DPP10: variants seen among roughly 807,000 people sequenced by gnomAD.
The protein encoded by DPP10 is inactive dipeptidyl peptidase 10.
Under a neutral mutation model 120.9 loss-of-function variants are expected in DPP10, and 33 were observed. That is an observed-to-expected ratio of 0.27 (90% CI 0.21 to 0.37). The LOEUF (loss-of-function observed/expected upper bound fraction) is 0.37, where lower values mean the gene tolerates loss of function less well. DPP10 is among the 10% of genes least tolerant of loss of function. The pLI, the probability that DPP10 is intolerant of heterozygous loss-of-function variation, is 1.00. For synonymous variants in DPP10, 337 were observed against 326.1 expected, an observed-to-expected ratio of 1.03 and a Z score of -0.36; for missense variants, 816 against 942.8, an observed-to-expected ratio of 0.87 and a Z score of 1.76.
chr2:114,670,605 C>A (rs62165212), intron 1 of DPP10, among the ~76,000 whole-genome samples: 27,128 of 151,986 alleles, frequency 0.18, 3,191 homozygotes, highest in Non-Finnish European at 0.26. Context: ...GGGTGCAGCA[C>A]ACCAGCATGA....
chr2:115,644,144 T>C (rs2087019153), intron 5 of DPP10, among the ~76,000 whole-genome samples: 1 of 151,842 alleles, frequency 6.6e-6, no homozygotes, highest in African/African-American at 2.4e-5. Context: ...AGGAAAATAA[T>C]AGTTTCTTTT....
At chr2:115,313,720 A>G (rs571845588) in intron 2 of DPP10, among the ~76,000 whole-genome samples, 1 of 152,220 alleles carries the variant, frequency 6.6e-6, no homozygotes, top group Non-Finnish European at 1.5e-5. Context: ...TTAATTTCTA[A>G]AATTATCAGA....
At chr2:114,778,530 G>A (rs191541243) in intron 1 of DPP10, among the ~76,000 whole-genome samples, 1 of 151,938 alleles carries the variant, frequency 6.6e-6, no homozygotes, top group Non-Finnish European at 1.5e-5. Flanking sequence ...TCTTTTTCAC[G>A]CAATTATTTA....
chr2:114,851,531 T>G (rs962865964), intron 1 of DPP10, among the ~76,000 whole-genome samples: 1 of 152,192 alleles, frequency 6.6e-6, no homozygotes, highest in African/African-American at 2.4e-5. Context: ...GGCACTGTGC[T>G]AGACTTTAGA....
At chr2:114,860,613 A>AAAT (rs1470853756) in intron 1 of DPP10, among the ~76,000 whole-genome samples, 3 of 152,188 alleles carry the variant, frequency 2.0e-5, no homozygotes, top group African/African-American at 7.2e-5. Context: ...TTTTCACTTA[A>AAAT]AAAAGCTGAA....
chr2:114,663,718 C>G (rs1280218963), intron 1 of DPP10, among the ~76,000 whole-genome samples: 2 of 141,328 alleles, frequency 1.4e-5, no homozygotes, highest in African/African-American at 5.9e-5. Flanking sequence ...CTTGGGCTCT[C>G]TAGAGCCACC....
intron 1 of DPP10, among the ~76,000 whole-genome samples, chr2:114,752,754 C>A (rs1489175255): frequency 6.6e-6 from 1 of 152,178 alleles, no homozygotes; most frequent in South Asian, 2.1e-4. Flanking sequence ...CTTAGAGAAC[C>A]ACTCAAATTG....
chr2:114,733,579 C>T (rs920229383), intron 1 of DPP10, among the ~76,000 whole-genome samples: 2 of 152,052 alleles, frequency 1.3e-5, no homozygotes, highest in Non-Finnish European at 2.9e-5. Flanking sequence ...GTTTAAAATG[C>T]CTGAGCTGAT....
intron 1 of DPP10, among the ~76,000 whole-genome samples, chr2:114,856,017 T>C (rs945347627): frequency 2.0e-5 from 3 of 149,534 alleles, no homozygotes; most frequent in African/African-American, 4.9e-5. Context: ...ATATACAGAA[T>C]ATATTTTTTA....
chr2:114,508,399 A>C (rs1444652222), intron 1 of DPP10, among the ~76,000 whole-genome samples: 1 of 152,208 alleles, frequency 6.6e-6, no homozygotes, highest in East Asian at 1.9e-4. Context: ...ACTTTTTGTG[A>C]TTGACTCATG....
chr2:115,332,260 C>G (rs1343456591), intron 2 of DPP10, among the ~76,000 whole-genome samples: 1 of 152,082 alleles, frequency 6.6e-6, no homozygotes, highest in Non-Finnish European at 1.5e-5. Context: ...TCTGTGGGAT[C>G]AGTGGTAATA....
intron 1 of DPP10, among the ~76,000 whole-genome samples, chr2:114,702,934 C>A (rs954585611): frequency 6.6e-6 from 1 of 152,044 alleles, no homozygotes; most frequent in Non-Finnish European, 1.5e-5. Flanking sequence ...TTTCTTTGTA[C>A]CTTGAACAAT....
chr2:115,806,238 A>C (rs2149999521), intron 19 of DPP10, among the ~76,000 whole-genome samples: 1 of 152,330 alleles, frequency 6.6e-6, no homozygotes, highest in Admixed American at 6.5e-5. Flanking sequence ...AATTGCTTAT[A>C]TGCCAAAGGT....
intron 1 of DPP10, among the ~76,000 whole-genome samples, chr2:114,518,999 C>T (rs2104638974): frequency 6.6e-6 from 1 of 152,290 alleles, no homozygotes; most frequent in East Asian, 1.9e-4. Context: ...ACTTAAGACA[C>T]TGTTTGAAGA....
At chr2:115,468,284 CT>C in intron 3 of DPP10, 1 of 512,062 alleles carries the variant, frequency 2.0e-6, no homozygotes, top group South Asian at 1.4e-5. Context: ...GTGTCATGTC[CT>C]CCAGGAATAC....
At chr2:114,470,161 A>T (rs1679788261) in intron 1 of DPP10, among the ~76,000 whole-genome samples, 1 of 152,228 alleles carries the variant, frequency 6.6e-6, no homozygotes, top group African/African-American at 2.4e-5. Context: ...TGACAGCAGC[A>T]CAGAACCGTC....
chr2:115,441,425 A>T (rs189164566), intron 3 of DPP10, among the ~76,000 whole-genome samples: 142 of 152,260 alleles, frequency 9.3e-4, no homozygotes, highest in Non-Finnish European at 1.6e-3. Context: ...GTTGGAAAGG[A>T]CTTTTTATGT....
chr2:114,502,003 T>G (rs2104519037), intron 1 of DPP10, among the ~76,000 whole-genome samples: 1 of 150,888 alleles, frequency 6.6e-6, no homozygotes, highest in East Asian at 1.9e-4. Context: ...TGGTGCAATC[T>G]TGGCTCACTG....
chr2:114,828,522 A>G (rs1686768543), intron 1 of DPP10: 2 of 152,232 alleles, frequency 1.3e-5, no homozygotes. Flanking sequence ...TGAAAATCTT[A>G]TAGTTTAGAT....
Sources: allele counts gnomAD v4.1 joint callset (sites outside exome capture counted in the v4.1 genomes callset), GRCh38; gene constraint gnomAD v4.1.1; transcripts MANE v1.5; gene names NCBI Gene and HGNC (gene_info 2026-07-23, HGNC 2026-07-21).